SMG5: variants seen among roughly 807,000 people sequenced by gnomAD.
SMG5 encodes the protein nonsense-mediated mRNA decay factor SMG5.
A neutral mutation model predicts 122.9 loss-of-function variants in SMG5; 53 were observed. The ratio of observed to expected loss-of-function variants is 0.43; its 90% CI spans 0.35 to 0.54. The LOEUF (loss-of-function observed/expected upper bound fraction) is 0.54, where lower values mean the gene tolerates loss of function less well. Ranked by LOEUF, SMG5 falls within the 20% of genes least tolerant of loss-of-function variation. The probability of loss-of-function intolerance (pLI) is 0.01; values close to 1 mark genes in which losing one functional copy is unlikely to be tolerated. For missense variants in SMG5, 1,153 were observed against 1,285.6 expected (o/e 0.90, Z 1.58); for synonymous variants, 477 against 490.2 (o/e 0.97, Z 0.35).
At chr1:156,263,622 T>C in intron 12 of SMG5, 52 bp from the exon 13 acceptor site, 1 of 1,583,392 alleles carries the variant, frequency 6.3e-7, no homozygotes, top group South Asian at 1.1e-5. Flanking sequence ...CAACTGACAC[T>C]TGGGAACAGG....
intron 5 of SMG5, among the ~76,000 whole-genome samples, chr1:156,273,718 CTTTTTTT>C (rs748042052): frequency 5.2e-5 from 6 of 116,344 alleles, no homozygotes. Context: ...GTTTTGTTTT[CTTTTTTT>C]TTTTTTTTTT....
rs145481346 is a variant in SMG5, at chr1:156,250,346, G to A, written c.*241C>T. On this transcript the variant is annotated 3_prime_UTR_variant, in exon 22 of 22. Coordinates refer to ENST00000361813, the MANE Select transcript of SMG5 (RefSeq NM_015327.3). Reference sequence around the variant, plus strand: ...GCTGAGGCAGGAAGGCTGGCCAGGGGCCCACAAGACTCTCCTAATCCAAGC... The same window carrying A: ...GCTGAGGCAGGAAGGCTGGCCAGGGACCCACAAGACTCTCCTAATCCAAGC... 5.4e-3 allele frequency: 2,776 copies of A among 517,630 alleles called. 12 individuals carry two copies. Among genetic ancestry groups the A allele is most frequent in the Admixed American group, 8.0e-3 (235 of 29,490 alleles). 32.1% of individuals were successfully genotyped at this position (517,630 alleles called of 1,614,324 possible).
At chr1:156,263,646 CAG>C in intron 12 of SMG5, 76 bp from the exon 13 acceptor site, 3 of 1,495,930 alleles carry the variant, frequency 2.0e-6, no homozygotes, top group Non-Finnish European at 1.8e-6. Flanking sequence ...CAGCTCTGTG[CAG>C]GGAGCATGCT....
At chr1:156,272,534 A>G in intron 6 of SMG5, 136 bp from the exon 7 acceptor site, 2 of 664,612 alleles carry the variant, frequency 3.0e-6, no homozygotes, top group Non-Finnish European at 5.3e-6. Flanking sequence ...GTCTCAGGTG[A>G]TTAGCAGCTT....
intron 17 of SMG5, 89 bp downstream of exon 17, chr1:156,253,360 G>C (rs1359034946): frequency 1.4e-5 from 19 of 1,317,038 alleles, no homozygotes; most frequent in African/African-American, 2.9e-5. Flanking sequence ...AGAGCAGGGG[G>C]ACTACAGCGG....
At chr1:156,267,210 A>C (rs890390445) in intron 10 of SMG5, among the ~76,000 whole-genome samples, 2 of 152,234 alleles carry the variant, frequency 1.3e-5, no homozygotes, top group African/African-American at 4.8e-5. Context: ...TTGTGTCTGC[A>C]CAGGCCCTGG....
Position 156,277,918 on chromosome 1 carries a change from C to G in SMG5, c.297+7G>C, listed in dbSNP as rs1193970743. On this transcript the variant is annotated splice_region_variant and intron_variant, in intron 3 of 21. Coordinates refer to ENST00000361813, the MANE Select transcript of SMG5 (RefSeq NM_015327.3). ...CTTTCCCTCTTTAGACAAGGACTTC[C>G]CCTTACCTTTTTGTTAGTCTTGATA... is the stretch of plus-strand genomic sequence containing the variant. 6.2e-7 allele frequency: 1 copy of G among 1,613,640 alleles called. No individual in the cohort carries two copies. The highest frequency in any genetic ancestry group is 8.5e-7 in the Non-Finnish European group (1 of 1,179,772).
chr1:156,251,195 G>A, intron 20 of SMG5, 199 bp from the exon 21 acceptor site: 1 of 886,834 alleles, frequency 1.1e-6, no homozygotes, highest in Non-Finnish European at 1.8e-6. Flanking sequence ...AGCATCGCAA[G>A]GCCCAAAGAG....
At chr1:156,256,562 G>A (rs1215916318) in intron 16 of SMG5, among the ~76,000 whole-genome samples, 4 of 152,074 alleles carry the variant, frequency 2.6e-5, no homozygotes, top group Non-Finnish European at 5.9e-5. Context: ...GGGGGATGGG[G>A]GCACTTGTGT....
At chr1:156,254,959 G>A (rs1050921443) in intron 16 of SMG5, among the ~76,000 whole-genome samples, 2 of 151,454 alleles carry the variant, frequency 1.3e-5, no homozygotes, top group Admixed American at 6.6e-5. Flanking sequence ...GTGTGGTCAC[G>A]GGCACCTATA....
chr1:156,285,713 C>G (rs201308002), upstream of SMG5: 1 of 1,613,194 alleles, frequency 6.2e-7, no homozygotes, highest in African/African-American at 1.3e-5. Context: ...CATGCCCCCC[C>G]GGGTCACCCA....
chr1:156,258,968 G>T (rs1362358016), intron 16 of SMG5, 37 bp downstream of exon 16: 1 of 1,610,798 alleles, frequency 6.2e-7, no homozygotes, highest in South Asian at 1.1e-5. Flanking sequence ...GAGCCCAATG[G>T]GAGCAGAGCT....
In SMG5 at chr1:156,253,075, C is replaced by G. The variant is rs1424858570; in HGVS notation, c.2506G>C (p.Glu836Gln). The change falls in exon 18 of 22, where the codon GAA (glutamate) becomes CAA (glutamine). Residue 836 changes from glutamate (E) to glutamine (Q), a missense_variant. Coordinates refer to ENST00000361813, the MANE Select transcript of SMG5 (RefSeq NM_015327.3). ...AGGCTGCCCTCCAGCTGAGACACTT[C>G]GAGCTGGTGAGAGAGGGCAAGGTGG... ...RDMAQLRLQLEVSQLEGSLQQ... is the reference protein window; with the variant it reads ...RDMAQLRLQLQVSQLEGSLQQ... 6.2e-7 allele frequency: 1 copy of G among 1,601,534 alleles called. No individual in the cohort carries two copies.
At chr1:156,282,864 G>A, upstream of SMG5, 4 of 617,192 alleles carry the variant, frequency 6.5e-6, no homozygotes, top group Non-Finnish European at 1.1e-5. Context: ...GATGGCAGCC[G>A]CACAGTTGCG....
In SMG5 at chr1:156,273,440, C is replaced by T. The variant is rs1295270372; in HGVS notation, c.555G>A (p.Gln185=). 6.2e-6 allele frequency: 10 copies of T among 1,613,980 alleles called. No homozygotes were observed. Among genetic ancestry groups the T allele is most frequent in the Non-Finnish European group, 8.5e-6 (10 of 1,179,962 alleles). Residue 185 remains glutamine (Q), a synonymous_variant, in exon 6 of 22, where the codon CAG becomes CAA. Coordinates refer to ENST00000361813, the MANE Select transcript of SMG5 (RefSeq NM_015327.3). ...LVYLGDLSRY[Q]NELAGVDTEL... is the part of the protein sequence containing the mutation. ...CGGTATCTACGCCAGCTAATTCATTCTGATATCGGGCTGCACAAGAGAGAA... is the reference window on the plus strand; with the variant it reads ...CGGTATCTACGCCAGCTAATTCATTTTGATATCGGGCTGCACAAGAGAGAA...
At position 156,268,157 on chromosome 1, in the gene SMG5, A is replaced by G; in HGVS notation, c.866T>C (p.Val289Ala). The G allele has an allele frequency of 6.2e-7, 1 of 1,614,192 alleles. No individual in the cohort carries two copies. The highest frequency in any genetic ancestry group is 8.5e-7 in the Non-Finnish European group (1 of 1,180,040). Residue 289 changes from valine to alanine, a missense_variant, in exon 9 of 22, where the codon GTG (valine) becomes GCG (alanine). Val to Ala is a moderately conservative substitution (Grantham distance 64, BLOSUM62 0). Transcript: ENST00000361813. ...GAGGCTTTGCAGATACATAAAGTTCACTAGCAACCTTTTAATGTCTTTACA... is the reference window on the plus strand; with the variant it reads ...GAGGCTTTGCAGATACATAAAGTTCGCTAGCAACCTTTTAATGTCTTTACA... ...KRCKDIKRLLVNFMYLQSLLQ... is the reference protein window; with the variant it reads ...KRCKDIKRLLANFMYLQSLLQ...
rs770203641 is a variant in SMG5, at chr1:156,265,923, G to A, written c.1713C>T (p.Ser571=). Residue 571 remains serine, a synonymous_variant, in exon 12 of 22, where the codon TCC becomes TCT. Coordinates refer to ENST00000361813, the MANE Select transcript of SMG5 (RefSeq NM_015327.3). Reference sequence around the variant, plus strand: ...AGCGCTTAGTCTGGAACATCTGGGTGGACATGGCTTGTAGATTGCTGGCAA... The same window carrying A: ...AGCGCTTAGTCTGGAACATCTGGGTAGACATGGCTTGTAGATTGCTGGCAA... ...ASIASNLQAM[S]TQMFQTKRCF... is the part of the protein sequence containing the mutation. 2.5e-6 allele frequency: 4 copies of A among 1,614,122 alleles called. No homozygotes were observed. In the African/African-American group the frequency reaches 5.3e-5, roughly 22 times the overall value.
At position 156,249,429 on chromosome 1, in the gene SMG5, G is replaced by A. The variant is rs1229423572; in HGVS notation, c.*1158C>T. On this transcript the variant is annotated 3_prime_UTR_variant, in exon 22 of 22. Coordinates refer to ENST00000361813, the MANE Select transcript of SMG5 (RefSeq NM_015327.3). ...GCAGAGCTGAGACCCTCCACCCCGA[G>A]CCCCTAGCCTGTGCTATCCTCCCAG... 5 of 314,556 alleles carry A rather than the reference G, an allele frequency of 1.6e-5. No individual in the cohort carries two copies. Among genetic ancestry groups the A allele is most frequent in the African/African-American group, 1.1e-4 (5 of 46,104 alleles). 19.5% of individuals were successfully genotyped at this position (314,556 alleles called of 1,614,324 possible). A position where few individuals can be genotyped will look rare whatever the true frequency, so the allele number is the denominator to read the frequency against.
At chr1:156,285,741 G>T (rs746318820), upstream of SMG5, 1 of 1,613,178 alleles carries the variant, frequency 6.2e-7, no homozygotes, top group East Asian at 2.2e-5. Flanking sequence ...CCCACTGAGC[G>T]CAAGTGGGCT....
Sources: allele counts gnomAD v4.1 joint callset (sites outside exome capture counted in the v4.1 genomes callset), GRCh38; gene constraint gnomAD v4.1.1; transcripts MANE v1.5; gene names NCBI Gene and HGNC (gene_info 2026-07-23, HGNC 2026-07-21).